LUZP2: variants seen among roughly 807,000 people sequenced by gnomAD.
LUZP2 encodes leucine zipper protein 2.
A neutral mutation model predicts 51.6 loss-of-function variants in LUZP2; 52 were observed. That is an observed-to-expected ratio of 1.01 (90% CI 0.81 to 1.27). LUZP2 has a LOEUF of 1.27. LUZP2 is among the 50% of genes most tolerant of loss of function. The pLI, the probability that LUZP2 is intolerant of heterozygous loss-of-function variation, is 0.00. For missense variants in LUZP2, 436 were observed against 395.4 expected, an observed-to-expected ratio of 1.10 and a Z score of -0.87; for synonymous variants, 154 against 137.3, an observed-to-expected ratio of 1.12 and a Z score of -0.85.
At chr11:24,879,494 A>G (rs991762149) in intron 5 of LUZP2, among the ~76,000 whole-genome samples, 1 of 152,188 alleles carries the variant, frequency 6.6e-6, no homozygotes, top group African/African-American at 2.4e-5. Context: ...GAATCGCCAC[A>G]TTGAATTCCA....
At chr11:24,876,511 T>C (rs1429856228) in intron 5 of LUZP2, among the ~76,000 whole-genome samples, 1 of 148,564 alleles carries the variant, frequency 6.7e-6, no homozygotes, top group Non-Finnish European at 1.5e-5. Context: ...CCTTGTAGTA[T>C]AGTTTGAAGT....
chr11:24,715,288 TGTGTGTGTGTGTGTGTGTGC>T (rs1481561946), intron 1 of LUZP2, among the ~76,000 whole-genome samples: 1 of 135,674 alleles, frequency 7.4e-6, no homozygotes, highest in Admixed American at 7.5e-5. Flanking sequence ...TGTGTGTGTG[TGTGTGTGTGTGTGTGTGTGC>T]ATGCGTATTT....
At chr11:24,676,973 C>G (rs1856578295) in intron 1 of LUZP2, among the ~76,000 whole-genome samples, 1 of 152,092 alleles carries the variant, frequency 6.6e-6, no homozygotes. Flanking sequence ...GGCCAAGCCT[C>G]TCATAGCTTT....
chr11:24,915,007 A>G (rs561558038), intron 7 of LUZP2, among the ~76,000 whole-genome samples: 34 of 152,304 alleles, frequency 2.2e-4, no homozygotes, highest in African/African-American at 7.5e-4. Flanking sequence ...TTCAGATATT[A>G]TCAAGATCAG....
chr11:24,846,723 A>G (rs1216792625), intron 5 of LUZP2, among the ~76,000 whole-genome samples: 1 of 152,098 alleles, frequency 6.6e-6, no homozygotes, highest in Non-Finnish European at 1.5e-5. Flanking sequence ...TATCAAGGGC[A>G]GACAAATAAC....
At chr11:24,756,308 G>A (rs1029603484) in intron 4 of LUZP2, among the ~76,000 whole-genome samples, 1 of 152,112 alleles carries the variant, frequency 6.6e-6, no homozygotes, top group East Asian at 1.9e-4. Context: ...ATGTTCTCAG[G>A]ATCTCCTGAG....
chr11:24,579,461 A>C (rs1187640019), intron 1 of LUZP2, among the ~76,000 whole-genome samples: 1 of 152,114 alleles, frequency 6.6e-6, no homozygotes, highest in Non-Finnish European at 1.5e-5. Context: ...ATTTTTATAG[A>C]GCATAGAAGC....
chr11:24,748,464 CTTT>C (rs34396396), intron 4 of LUZP2, among the ~76,000 whole-genome samples: 2 of 142,858 alleles, frequency 1.4e-5, no homozygotes, highest in Non-Finnish European at 1.5e-5. Flanking sequence ...TGTTAACTTC[CTTT>C]TTTTTTTTTT....
At chr11:24,966,269 T>C (rs1855580092) in intron 7 of LUZP2, among the ~76,000 whole-genome samples, 1 of 151,654 alleles carries the variant, frequency 6.6e-6, no homozygotes, top group African/African-American at 2.4e-5. Flanking sequence ...TTAATGGTTG[T>C]CTTCTTATTG....
intron 5 of LUZP2, among the ~76,000 whole-genome samples, chr11:24,843,558 A>G (rs1425163789): frequency 1.3e-5 from 2 of 152,220 alleles, no homozygotes; most frequent in African/African-American, 4.8e-5. Context: ...AATATTAACC[A>G]CAGTGGCATA....
At chr11:24,826,684 A>G (rs1280599092) in intron 5 of LUZP2, among the ~76,000 whole-genome samples, 1 of 152,116 alleles carries the variant, frequency 6.6e-6, no homozygotes, top group African/African-American at 2.4e-5. Flanking sequence ...CCTGCCCACA[A>G]ATGGAAATGT....
At chr11:24,542,055 A>G (rs1029707940) in intron 1 of LUZP2, among the ~76,000 whole-genome samples, 2 of 152,136 alleles carry the variant, frequency 1.3e-5, no homozygotes, top group African/African-American at 4.8e-5. Context: ...AGTGTCATAA[A>G]TAAGTCAGAT....
chr11:24,746,526 G>T (rs537004464), intron 4 of LUZP2, among the ~76,000 whole-genome samples: 6 of 152,254 alleles, frequency 3.9e-5, no homozygotes, highest in Non-Finnish European at 7.4e-5. Flanking sequence ...ATGACAATGT[G>T]TGTAGTCGAT....
chr11:24,727,550 G>A (rs571772189), intron 1 of LUZP2, among the ~76,000 whole-genome samples: 30 of 152,028 alleles, frequency 2.0e-4, no homozygotes, highest in African/African-American at 6.0e-4. Flanking sequence ...ATGAATTATG[G>A]TCACTTAAGA....
intron 1 of LUZP2, among the ~76,000 whole-genome samples, chr11:24,686,793 A>G (rs977070573): frequency 1.3e-5 from 2 of 152,168 alleles, no homozygotes; most frequent in East Asian, 1.9e-4. Flanking sequence ...TAACTTACCT[A>G]TGCTTTAACT....
chr11:24,737,005 C>T (rs1375057642), intron 3 of LUZP2, among the ~76,000 whole-genome samples: 2 of 152,022 alleles, frequency 1.3e-5, no homozygotes, highest in Non-Finnish European at 2.9e-5. Flanking sequence ...GGGACTTGGA[C>T]ATCAGTCTCA....
chr11:24,738,112 TG>T (rs779810640), intron 3 of LUZP2, 108 bp from the exon 4 acceptor site: 174 of 652,980 alleles, frequency 2.7e-4, no homozygotes, highest in Non-Finnish European at 4.1e-4. Context: ...CACTTCTAGT[TG>T]TCTATGTCCT....
intron 5 of LUZP2, among the ~76,000 whole-genome samples, chr11:24,889,693 T>C (rs1201258474): frequency 6.6e-6 from 1 of 152,186 alleles, no homozygotes; most frequent in African/African-American, 2.4e-5. Context: ...CTGCTTGTAA[T>C]TAATTATCCC....
intron 7 of LUZP2, among the ~76,000 whole-genome samples, chr11:24,967,804 G>A (rs184773891): frequency 5.3e-3 from 813 of 152,036 alleles, no homozygotes; most frequent in Middle Eastern, 0.01. Context: ...TTTAATAGCT[G>A]CCTTAAAGTG....
Sources: gnomAD v4.1 joint callset for allele counts (sites outside exome capture counted in the v4.1 genomes callset) on GRCh38, gnomAD v4.1.1 for gene constraint, MANE v1.5 for transcripts, NCBI Gene and HGNC (gene_info 2026-07-23, HGNC 2026-07-21) for gene names.